The following RAB6B variants were observed in gnomAD, a reference collection of about 807,000 sequenced individuals.
RAB6B encodes the protein ras-related protein Rab-6B.
RAB6B carries 7 observed loss-of-function variants against 31.2 expected under a neutral mutation model. That is an observed-to-expected ratio of 0.22 (90% CI 0.13 to 0.42). The LOEUF is 0.42. Ranked by LOEUF, RAB6B falls within the 10% of genes least tolerant of loss-of-function variation. The pLI, the probability that RAB6B is intolerant of heterozygous loss-of-function variation, is 1.00. For missense variants in RAB6B, 149 were observed against 280.6 expected, an observed-to-expected ratio of 0.53 and a Z score of 3.35; for synonymous variants, 105 against 104.9, an observed-to-expected ratio of 1.00 and a Z score of -0.01.
intron 2 of RAB6B, among the ~76,000 whole-genome samples, chr3:133,862,699 G>A (rs7634412): frequency 0.025 from 3,765 of 152,198 alleles, 158 homozygotes; most frequent in African/African-American, 0.085. Flanking sequence ...AATGGGAGAC[G>A]ACGCTGAACA....
At position 133,895,764 on chromosome 3, in the gene RAB6B, G is replaced by C. The variant is rs1936703875; in HGVS notation, c.-298C>G. On this transcript the variant is annotated 5_prime_UTR_variant, in exon 1 of 8. Transcript: ENST00000285208. ...TCTTTACGCCCGAGGCGCGGCGCTG[G>C]GAGAGAGGCGCGGGCGGAGCGGGGC... 7.6e-6 allele frequency: 3 copies of C among 397,348 alleles called. No homozygotes were observed. The highest frequency in any genetic ancestry group is 6.3e-5 in the African/African-American group (3 of 47,350). The allele number at this position is 397,348 out of a possible 1,614,324, so 24.6% of individuals were successfully genotyped here. A position where few individuals can be genotyped will look rare whatever the true frequency, so the allele number is the denominator to read the frequency against.
At chr3:133,883,116 T>A (rs1331102502) in intron 1 of RAB6B, among the ~76,000 whole-genome samples, 1 of 152,144 alleles carries the variant, frequency 6.6e-6, no homozygotes, top group Non-Finnish European at 1.5e-5. Flanking sequence ...AAGACCTGAC[T>A]CTACTCACAG....
intron 4 of RAB6B, among the ~76,000 whole-genome samples, chr3:133,839,890 T>C (rs1007294827): frequency 6.6e-6 from 1 of 152,152 alleles, no homozygotes; most frequent in African/African-American, 2.4e-5. Flanking sequence ...GTGTCATGAT[T>C]TGCCACATGG....
At chr3:133,871,912 G>A in intron 1 of RAB6B, among the ~76,000 whole-genome samples, 1 of 152,208 alleles carries the variant, frequency 6.6e-6, no homozygotes. Flanking sequence ...GTGGGATCCT[G>A]ATCCTCCTGG....
intron 1 of RAB6B, among the ~76,000 whole-genome samples, chr3:133,872,026 G>C (rs1036494676): frequency 6.6e-6 from 1 of 152,216 alleles, no homozygotes; most frequent in African/African-American, 2.4e-5. Flanking sequence ...AAGCCATCTT[G>C]GTGGGCTGCC....
At chr3:133,881,034 T>C (rs1224052437) in intron 1 of RAB6B, among the ~76,000 whole-genome samples, 1 of 152,172 alleles carries the variant, frequency 6.6e-6, no homozygotes, top group African/African-American at 2.4e-5. Flanking sequence ...CTAGCCCTTA[T>C]GGACTGAGAC....
chr3:133,868,209 A>G (rs1251165538), intron 1 of RAB6B, among the ~76,000 whole-genome samples: 1 of 152,180 alleles, frequency 6.6e-6, no homozygotes, highest in Non-Finnish European at 1.5e-5. Context: ...CCTGCCCTCA[A>G]CAACTGCCCG....
intron 1 of RAB6B, among the ~76,000 whole-genome samples, chr3:133,886,421 T>C (rs1482755833): frequency 6.6e-6 from 1 of 152,184 alleles, no homozygotes; most frequent in Non-Finnish European, 1.5e-5. Flanking sequence ...GCCCTTATAC[T>C]CCACCCTGGC....
chr3:133,832,126 T>C (rs1011355362), intron 7 of RAB6B, among the ~76,000 whole-genome samples: 1 of 152,152 alleles, frequency 6.6e-6, no homozygotes, highest in Admixed American at 6.5e-5. Context: ...ACTACTGCTC[T>C]TTCTTTGCGT....
rs1935578280 is a variant in RAB6B, at chr3:133,827,176, A to G, written c.*1612T>C. 1 of 152,308 alleles carries G rather than the reference A, an allele frequency of 6.6e-6. No homozygotes were observed. The highest frequency in any genetic ancestry group is 6.5e-5 in the Admixed American group (1 of 15,290). 9.4% of individuals were successfully genotyped at this position (152,308 alleles called of 1,614,324 possible). ...GATTCTGCTGCACTTACTGCCTGCC[A>G]TTTCAGATTAATTTCTGAGAAGTTT... On this transcript the variant is annotated 3_prime_UTR_variant, in exon 8 of 8. Coordinates refer to ENST00000285208, the MANE Select transcript of RAB6B (RefSeq NM_016577.4).
chr3:133,852,052 G>A (rs1935992242), intron 2 of RAB6B, among the ~76,000 whole-genome samples: 1 of 152,252 alleles, frequency 6.6e-6, no homozygotes, highest in Non-Finnish European at 1.5e-5. Flanking sequence ...CCTCGTCACA[G>A]GGAATGAGCG....
intron 2 of RAB6B, among the ~76,000 whole-genome samples, chr3:133,858,327 A>G (rs1256708008): frequency 6.6e-6 from 1 of 152,250 alleles, no homozygotes. Flanking sequence ...ATACCAATGT[A>G]GCTGTAAAAA....
rs2108020390 is a variant in RAB6B at position 133,895,667 on chromosome 3, G to GAGAGGC, written c.-207_-202dup. ...CCGGCGGCGGAGGAGGAGGAGGAGA[G>GAGAGGC]AGAGGCGGAGGCGGAGGAAGGCTGG... On this transcript the variant is annotated 5_prime_UTR_variant, in exon 1 of 8. Transcript: ENST00000285208. 1 of 599,194 alleles carries GAGAGGC rather than the reference G, an allele frequency of 1.7e-6. No individual in the cohort carries two copies. Among genetic ancestry groups the GAGAGGC allele is most frequent in the East Asian group, 3.0e-5 (1 of 33,688 alleles). 37.1% of individuals were successfully genotyped at this position (599,194 alleles called of 1,614,324 possible).
At chr3:133,850,610 T>C (rs1158013626) in intron 2 of RAB6B, among the ~76,000 whole-genome samples, 3 of 151,776 alleles carry the variant, frequency 2.0e-5, no homozygotes, top group African/African-American at 7.3e-5. Flanking sequence ...ATATAAATTA[T>C]CCAAAAGGAA....
chr3:133,829,349 G>T (rs1012022384), intron 7 of RAB6B, among the ~76,000 whole-genome samples: 1 of 152,174 alleles, frequency 6.6e-6, no homozygotes, highest in Non-Finnish European at 1.5e-5. Context: ...GATGGTTACT[G>T]TAAGAAGCCA....
At chr3:133,885,512 AGAG>A (rs949738546) in intron 1 of RAB6B, 1 of 702,862 alleles carries the variant, frequency 1.4e-6, no homozygotes, top group Admixed American at 2.0e-5. Context: ...TCCAATGACC[AGAG>A]GATAGGGGAG....
At chr3:133,857,615 A>C (rs949930846) in intron 2 of RAB6B, among the ~76,000 whole-genome samples, 4 of 152,140 alleles carry the variant, frequency 2.6e-5, no homozygotes, top group African/African-American at 9.7e-5. Flanking sequence ...CCTCCGTTCT[A>C]CATTCCATTA....
At chr3:133,843,659 T>TG (rs1935868121) in intron 2 of RAB6B, among the ~76,000 whole-genome samples, 1 of 152,190 alleles carries the variant, frequency 6.6e-6, no homozygotes, top group Non-Finnish European at 1.5e-5. Flanking sequence ...GGTGTGCAGA[T>TG]GGACTCAGGG....
chr3:133,845,124 C>A (rs574889663), intron 2 of RAB6B, among the ~76,000 whole-genome samples: 1 of 152,176 alleles, frequency 6.6e-6, no homozygotes, highest in African/African-American at 2.4e-5. Flanking sequence ...TTGGGAGGAA[C>A]AAGATCATCT....
Sources: allele counts gnomAD v4.1 joint callset (sites outside exome capture counted in the v4.1 genomes callset), GRCh38; gene constraint gnomAD v4.1.1; transcripts MANE v1.5; gene names NCBI Gene and HGNC (gene_info 2026-07-23, HGNC 2026-07-21).